The following AGTPBP1 variants were observed in gnomAD, a reference collection of about 807,000 sequenced individuals.
AGTPBP1 encodes the protein ATP/GTP binding carboxypeptidase 1.
A neutral mutation model predicts 143.9 loss-of-function variants in AGTPBP1; 70 were observed. That is an observed-to-expected ratio of 0.49 (90% CI 0.40 to 0.59). The LOEUF (loss-of-function observed/expected upper bound fraction) is 0.59, where lower values mean the gene tolerates loss of function less well. Among genes scored for constraint, AGTPBP1 ranks in the 20% least tolerant of loss-of-function variants. The pLI, the probability that AGTPBP1 is intolerant of heterozygous loss-of-function variation, is 0.00. For synonymous variants in AGTPBP1, 463 were observed against 500.2 expected (o/e 0.93, Z 0.99); for missense variants, 1,229 against 1,464.5 (o/e 0.84, Z 2.62).
chr9:85,767,972 A>G, the AGTPBP1 span, among the ~76,000 whole-genome samples: 1 of 152,172 alleles, frequency 6.6e-6, no homozygotes, highest in African/African-American at 2.4e-5. Flanking sequence ...GCTCCTGGGT[A>G]CACATTAAAG....
chr9:85,775,526 T>G, the AGTPBP1 span, among the ~76,000 whole-genome samples: 22 of 147,296 alleles, frequency 1.5e-4, no homozygotes, highest in African/African-American at 4.7e-4. Context: ...ATATATATGA[T>G]ATATATATAG....
the AGTPBP1 span, among the ~76,000 whole-genome samples, chr9:85,753,756 A>AG: frequency 4.5e-5 from 5 of 111,092 alleles, no homozygotes; most frequent in African/African-American, 1.5e-4. Context: ...CCCTCTCAAT[A>AG]AATAGATAGA....
chr9:85,799,857 A>G, the AGTPBP1 span, among the ~76,000 whole-genome samples: 1 of 152,134 alleles, frequency 6.6e-6, no homozygotes, highest in Non-Finnish European at 1.5e-5. Context: ...TAAAATGTTG[A>G]TGAGAGCCTC....
At chr9:85,643,171 A>AT (rs1174249248) in intron 12 of AGTPBP1, among the ~76,000 whole-genome samples, 1 of 152,130 alleles carries the variant, frequency 6.6e-6, no homozygotes, top group African/African-American at 2.4e-5. Context: ...TTACTCTAAT[A>AT]TAACAGAGTA....
rs558963138 is a variant in AGTPBP1, at chr9:85,660,674, T to C, written c.700+262A>G. ...CCTCTACTAATGGATTTTTATGTTA[T>C]CTAAATTACTTAGAAATAAGAAATC... On this transcript the variant is annotated intron_variant, in intron 9 of 25. Transcript: ENST00000357081. 1.1e-4 allele frequency among the ~76,000 whole-genome samples: 17 copies of C among 152,244 alleles called. No homozygotes were observed. The South Asian group carries it at 2.1e-3, about 19-fold the overall frequency.
intron 19 of AGTPBP1, 53 bp downstream of exon 19, chr9:85,592,507 C>A: frequency 7.8e-7 from 1 of 1,274,178 alleles, no homozygotes; most frequent in Middle Eastern, 2.3e-4. Context: ...ACTCAATTTT[C>A]TTCCATTATC....
At chr9:85,603,873 G>A (rs78993148) in intron 17 of AGTPBP1, among the ~76,000 whole-genome samples, 170 of 151,666 alleles carry the variant, frequency 1.1e-3, no homozygotes, top group African/African-American at 3.9e-3. Context: ...CTGGGATGGT[G>A]ATGGATATGG....
At chr9:85,705,729 C>T (rs1376992244) in intron 2 of AGTPBP1, among the ~76,000 whole-genome samples, 1 of 152,030 alleles carries the variant, frequency 6.6e-6, no homozygotes, top group East Asian at 1.9e-4. Flanking sequence ...CTCGCTCTGT[C>T]ACCCAGGCTG....
chr9:85,731,411 G>A (rs1220817852), intron 1 of AGTPBP1, among the ~76,000 whole-genome samples: 3 of 152,010 alleles, frequency 2.0e-5, no homozygotes, highest in African/African-American at 7.2e-5. Flanking sequence ...AAGTAGTTTG[G>A]CAGGGTTTTT....
chr9:85,648,789 G>A (rs1009618519), intron 11 of AGTPBP1, among the ~76,000 whole-genome samples: 21 of 152,142 alleles, frequency 1.4e-4, no homozygotes, highest in African/African-American at 5.1e-4. Context: ...TCCAGCCTGG[G>A]CAACAGTGCG....
chr9:85,773,264 CAAAAAAAAAAAA>C, the AGTPBP1 span, among the ~76,000 whole-genome samples: 52 of 46,784 alleles, frequency 1.1e-3, 1 homozygote, highest in Admixed American at 5.3e-3. Flanking sequence ...GACTCCTTCT[CAAAAAAAAAAAA>C]AAAAAAAAAA....
intron 25 of AGTPBP1, among the ~76,000 whole-genome samples, chr9:85,554,770 G>T (rs1826232121): frequency 6.6e-6 from 1 of 152,080 alleles, no homozygotes; most frequent in Non-Finnish European, 1.5e-5. Context: ...CAGACCCAAA[G>T]GTAGTTCAGT....
At chr9:85,763,016 C>T in the AGTPBP1 span, among the ~76,000 whole-genome samples, 1 of 151,644 alleles carries the variant, frequency 6.6e-6, no homozygotes, top group African/African-American at 2.4e-5. Context: ...TTGCAAGAAT[C>T]AGAATGGCAT....
At chr9:85,753,500 T>A in the AGTPBP1 span, 5 of 1,554,962 alleles carry the variant, frequency 3.2e-6, no homozygotes, top group Non-Finnish European at 4.4e-6. Flanking sequence ...ACACCTGTAA[T>A]CCTAGCACTT....
At chr9:85,626,150 G>GCTGA (rs1316192678) in intron 14 of AGTPBP1, among the ~76,000 whole-genome samples, 1 of 152,026 alleles carries the variant, frequency 6.6e-6, no homozygotes, top group Non-Finnish European at 1.5e-5. Flanking sequence ...TCATCAGTGT[G>GCTGA]TTTGCAATAC....
chr9:85,674,577 AG>A (rs1313017551), intron 6 of AGTPBP1, among the ~76,000 whole-genome samples: 1 of 152,056 alleles, frequency 6.6e-6, no homozygotes, highest in East Asian at 1.9e-4. Flanking sequence ...AAATCTCAAA[AG>A]GGAGTCTTTA....
In AGTPBP1 at chr9:85,569,695, T is replaced by C. The variant is rs1261458069; in HGVS notation, c.3503+5620A>G. Among the ~76,000 whole-genome samples the C allele has an allele frequency of 3.3e-5, 5 of 152,320 alleles. No homozygotes were observed. The East Asian group carries it at 7.7e-4, about 23-fold the overall frequency. On this transcript the variant is annotated intron_variant, in intron 25 of 25. Coordinates refer to ENST00000357081, the MANE Select transcript of AGTPBP1 (RefSeq NM_001330701.2). The stretch of plus-strand genomic sequence containing the variant: ...AGCGTGTCATATTACACTGGAAGTA[T>C]CCACCTCAAAAAACAACTCCAGATA...
At chr9:85,730,417 T>A (rs1344409747) in intron 1 of AGTPBP1, among the ~76,000 whole-genome samples, 1 of 152,166 alleles carries the variant, frequency 6.6e-6, no homozygotes, top group Non-Finnish European at 1.5e-5. Flanking sequence ...GGGAAAAGAA[T>A]TGGGCTTCCT....
At chr9:85,736,868 A>G (rs1308373400) in intron 1 of AGTPBP1, among the ~76,000 whole-genome samples, 1 of 152,258 alleles carries the variant, frequency 6.6e-6, no homozygotes, top group Admixed American at 6.5e-5. Flanking sequence ...GTACTTTGGG[A>G]GGCGGACACA....
Sources: allele counts gnomAD v4.1 joint callset (sites outside exome capture counted in the v4.1 genomes callset), GRCh38; gene constraint gnomAD v4.1.1; transcripts MANE v1.5; gene names NCBI Gene and HGNC (gene_info 2026-07-23, HGNC 2026-07-21).